Variants in MYO5B observed in about 807,000 individuals in gnomAD.
MYO5B encodes the protein myosin VB.
In MYO5B, 143 loss-of-function variants were observed where a neutral mutation model predicts 229.3. That is an observed-to-expected ratio of 0.62 (90% CI 0.54 to 0.72). The LOEUF is 0.72. MYO5B is among the 30% of genes least tolerant of loss of function. MYO5B has a pLI of 0.00. For synonymous variants in MYO5B, 918 were observed against 885.2 expected, an observed-to-expected ratio of 1.04 and a Z score of -0.66; for missense variants, 2,321 against 2,331.0, an observed-to-expected ratio of 1.00 and a Z score of 0.09.
intron 18 of MYO5B, among the ~76,000 whole-genome samples, chr18:49,908,682 G>A (rs561503083): frequency 2.4e-4 from 36 of 152,266 alleles, no homozygotes; most frequent in African/African-American, 8.7e-4. Context: ...AGGCTTGCAC[G>A]ACAGCCAGTC....
At chr18:49,913,509 G>A (rs1278444818) in intron 17 of MYO5B, among the ~76,000 whole-genome samples, 1 of 151,960 alleles carries the variant, frequency 6.6e-6, no homozygotes, top group African/African-American at 2.4e-5. Context: ...TGTCCTCAGT[G>A]GAGGTGTACA....
Position 49,877,849 on chromosome 18 carries a change from G to A in MYO5B, c.3310C>T (p.Gln1104Ter), listed in dbSNP as rs1314084997. 1 of 1,614,124 alleles carries A rather than the reference G, an allele frequency of 6.2e-7. No homozygotes were observed. The highest frequency in any genetic ancestry group is 8.5e-7 in the Non-Finnish European group (1 of 1,180,006). ...TPGHRRNPSN[Q>*]SSLESDSNYP... is the part of the protein sequence containing the mutation. ...TTGGAGTCAGATTCTAAGCTACTTT[G>A]GTTTGATGGGTTCCGCCTATGACCT... is the stretch of plus-strand genomic sequence containing the variant. The change falls in exon 25 of 40, where the codon CAA (glutamine) becomes TAA (stop). Residue 1104 changes from glutamine (Q) to a stop codon, truncating the protein, a stop_gained. Coordinates refer to ENST00000285039, the MANE Select transcript of MYO5B (RefSeq NM_001080467.3). LOFTEE classifies it high-confidence loss of function.
intron 10 of MYO5B, among the ~76,000 whole-genome samples, chr18:49,965,230 G>A (rs1211494164): frequency 6.6e-6 from 1 of 152,200 alleles, no homozygotes; most frequent in Non-Finnish European, 1.5e-5. Context: ...AACTGGATGT[G>A]CAGATAAGAC....
intron 1 of MYO5B, among the ~76,000 whole-genome samples, chr18:50,083,272 C>G (rs945149294): frequency 6.6e-6 from 1 of 152,178 alleles, no homozygotes; most frequent in Non-Finnish European, 1.5e-5. Flanking sequence ...CCAAACCCCA[C>G]CATTTAGAGT....
intron 1 of MYO5B, among the ~76,000 whole-genome samples, chr18:50,179,845 T>C (rs1302096927): frequency 1.3e-5 from 2 of 152,200 alleles, no homozygotes; most frequent in African/African-American, 4.8e-5. Flanking sequence ...ATGAAGCCTA[T>C]GCCTTGCAGT....
chr18:49,912,421 G>C (rs1278975115), intron 17 of MYO5B, among the ~76,000 whole-genome samples: 1 of 152,162 alleles, frequency 6.6e-6, no homozygotes, highest in Non-Finnish European at 1.5e-5. Flanking sequence ...GTACTTCTTA[G>C]AGGACTAAAC....
At chr18:50,035,056 G>A (rs920029568) in intron 4 of MYO5B, among the ~76,000 whole-genome samples, 31 of 152,096 alleles carry the variant, frequency 2.0e-4, no homozygotes, top group African/African-American at 6.8e-4. Flanking sequence ...TGGGTGCAAA[G>A]GTCTCAAGCA....
chr18:50,088,344 T>A (rs1452724840), intron 1 of MYO5B, among the ~76,000 whole-genome samples: 1 of 152,164 alleles, frequency 6.6e-6, no homozygotes, highest in Non-Finnish European at 1.5e-5. Flanking sequence ...ATGACAGGCA[T>A]GTATAGGAAC....
At chr18:50,173,558 T>C (rs1233427815) in intron 1 of MYO5B, among the ~76,000 whole-genome samples, 2 of 152,108 alleles carry the variant, frequency 1.3e-5, no homozygotes, top group African/African-American at 4.8e-5. Context: ...CAGTTTCCAT[T>C]ATGCGGGCCA....
intron 26 of MYO5B, among the ~76,000 whole-genome samples, chr18:49,874,556 GAA>G (rs533941189): frequency 6.6e-6 from 1 of 151,770 alleles, no homozygotes; most frequent in African/African-American, 2.4e-5. Flanking sequence ...TGCTCAGGGG[GAA>G]AAAAAACAAG....
intron 1 of MYO5B, among the ~76,000 whole-genome samples, chr18:50,087,699 A>G (rs552544672): frequency 6.6e-6 from 1 of 152,336 alleles, no homozygotes; most frequent in South Asian, 2.1e-4. Flanking sequence ...ATGCAGAGGT[A>G]GCAACAAGAG....
intron 1 of MYO5B, among the ~76,000 whole-genome samples, chr18:50,063,174 C>G (rs376477771): frequency 6.6e-6 from 1 of 152,154 alleles, no homozygotes; most frequent in Non-Finnish European, 1.5e-5. Flanking sequence ...AGAAGCTCAG[C>G]GCTTCCAGAT....
intron 14 of MYO5B, among the ~76,000 whole-genome samples, chr18:49,941,473 A>T (rs1216484029): frequency 6.6e-6 from 1 of 152,160 alleles, no homozygotes; most frequent in Non-Finnish European, 1.5e-5. Context: ...TATTCACAAT[A>T]TGCAGAGTCT....
At chr18:50,039,256 A>G (rs892519286) in intron 3 of MYO5B, among the ~76,000 whole-genome samples, 1 of 152,224 alleles carries the variant, frequency 6.6e-6, no homozygotes, top group East Asian at 1.9e-4. Flanking sequence ...TTTGCCACTT[A>G]GCAATACTCT....
chr18:50,098,180 G>C (rs904755389), intron 1 of MYO5B, among the ~76,000 whole-genome samples: 12 of 152,160 alleles, frequency 7.9e-5, no homozygotes, highest in African/African-American at 2.7e-4. Context: ...CCATCAAGCA[G>C]GTCAGTTTGT....
chr18:50,138,773 T>C (rs941423184), intron 1 of MYO5B, among the ~76,000 whole-genome samples: 6 of 152,074 alleles, frequency 3.9e-5, no homozygotes, highest in African/African-American at 1.4e-4. Flanking sequence ...GATGAAGAAA[T>C]AGTACCCCAT....
intron 1 of MYO5B, among the ~76,000 whole-genome samples, chr18:50,118,052 T>C (rs563905991): frequency 6.6e-6 from 1 of 152,094 alleles, no homozygotes; most frequent in Non-Finnish European, 1.5e-5. Context: ...CTGATGAAAA[T>C]GGCCTTTTTA....
At chr18:50,194,620 G>A (rs985650724) in intron 1 of MYO5B, 147 bp downstream of exon 1, 8 of 531,808 alleles carry the variant, frequency 1.5e-5, no homozygotes, top group Admixed American at 1.1e-4. Context: ...TAGGGACTCC[G>A]AGGACAGTGA....
intron 1 of MYO5B, among the ~76,000 whole-genome samples, chr18:50,118,692 T>G (rs1013485859): frequency 3.3e-5 from 5 of 151,110 alleles, no homozygotes; most frequent in Non-Finnish European, 7.4e-5. Flanking sequence ...TGGCGCGATC[T>G]CGGCTCACTG....
Sources: gnomAD v4.1 joint callset for allele counts (sites outside exome capture counted in the v4.1 genomes callset) on GRCh38, gnomAD v4.1.1 for gene constraint, MANE v1.5 for transcripts, NCBI Gene and HGNC (gene_info 2026-07-23, HGNC 2026-07-21) for gene names.